CNTN4: variants seen among roughly 807,000 people sequenced by gnomAD.
The protein encoded by CNTN4 is contactin 4.
CNTN4 carries 77 observed loss-of-function variants against 122.5 expected under a neutral mutation model. The ratio of observed to expected loss-of-function variants is 0.63; its 90% CI spans 0.52 to 0.76. The LOEUF (loss-of-function observed/expected upper bound fraction) is 0.76. Among genes scored for constraint, CNTN4 ranks in the 30% least tolerant of loss-of-function variants. CNTN4 has a pLI of 0.00. For missense variants in CNTN4, 1,256 were observed against 1,259.1 expected (o/e 1.00, Z 0.04); for synonymous variants, 512 against 447.0 (o/e 1.15, Z -1.83).
rs191985277 is a variant in CNTN4, at chr3:2,916,977, C to G, written c.1208-8652C>G. ...GCTGGGAGGTGGAGGTTGCAGCGAG[C>G]CGAGATCACGCCACTGCACTCCAGC... On this transcript the variant is annotated intron_variant, in intron 12 of 24. Transcript: ENST00000418658. Among the ~76,000 whole-genome samples, 4 of 122,350 alleles carry G rather than the reference C, an allele frequency of 3.3e-5. No individual in the cohort carries two copies. The South Asian group carries it at 1.2e-3, about 35-fold the overall frequency. 80.3% of individuals were successfully genotyped at this position (122,350 alleles called of 152,430 possible). A position where few individuals can be genotyped will look rare whatever the true frequency, so the allele number is the denominator to read the frequency against.
At chr3:2,992,080 T>G (rs1695110803) in intron 14 of CNTN4, among the ~76,000 whole-genome samples, 1 of 152,160 alleles carries the variant, frequency 6.6e-6, no homozygotes, top group Non-Finnish European at 1.5e-5. Flanking sequence ...GAAGATAGTG[T>G]CAAACACAGG....
chr3:3,055,931 C>A (rs747829564), intron 24 of CNTN4, among the ~76,000 whole-genome samples, 189 bp from the exon 25 acceptor site: 3 of 152,188 alleles, frequency 2.0e-5, no homozygotes, highest in Non-Finnish European at 4.4e-5. Flanking sequence ...AGGTACAGGG[C>A]TGTCCTATAC....
chr3:2,603,297 T>C (rs2149762981), intron 4 of CNTN4, among the ~76,000 whole-genome samples: 1 of 152,334 alleles, frequency 6.6e-6, no homozygotes, highest in African/African-American at 2.4e-5. Flanking sequence ...ATTGAAAATA[T>C]ACAACATGAA....
chr3:2,546,606 T>A (rs1356431081), intron 3 of CNTN4, among the ~76,000 whole-genome samples: 1 of 152,100 alleles, frequency 6.6e-6, no homozygotes, highest in Non-Finnish European at 1.5e-5. Context: ...ACAGTTTACC[T>A]ATGTAACATG....
At chr3:2,456,519 C>G (rs1026442664) in intron 3 of CNTN4, among the ~76,000 whole-genome samples, 3 of 152,096 alleles carry the variant, frequency 2.0e-5, no homozygotes, top group African/African-American at 7.2e-5. Context: ...CTCAGCATTC[C>G]TCTTCCTCAC....
intron 6 of CNTN4, among the ~76,000 whole-genome samples, chr3:2,768,222 T>C (rs778824751): frequency 3.9e-5 from 6 of 152,176 alleles, no homozygotes; most frequent in Non-Finnish European, 8.8e-5. Context: ...TCCGGTAATA[T>C]AAATTGTAAT....
intron 2 of CNTN4, among the ~76,000 whole-genome samples, chr3:2,277,861 A>G (rs1559405946): frequency 1.3e-5 from 2 of 152,138 alleles, no homozygotes; most frequent in African/African-American, 4.8e-5. Flanking sequence ...TTATCTGTCA[A>G]TTTCTTCTTC....
rs1311935603 is a variant in CNTN4 at position 2,733,958 on chromosome 3, TG to T, written c.56-2255del. Among the ~76,000 whole-genome samples the T allele has an allele frequency of 2.6e-5, 4 of 152,316 alleles. No homozygotes were observed. In the East Asian group the frequency reaches 7.7e-4, roughly 29 times the overall value. ...ATGGAGTAAGGAGAGACAGTGGTAG[TG>T]GTGATATGATTCATGACATCTTTGA... On this transcript the variant is annotated intron_variant, in intron 4 of 24. Coordinates refer to ENST00000418658, the MANE Select transcript of CNTN4 (RefSeq NM_175607.3).
intron 3 of CNTN4, among the ~76,000 whole-genome samples, chr3:2,569,171 A>G (rs1206326601): frequency 2.1e-5 from 3 of 142,980 alleles, no homozygotes; most frequent in Non-Finnish European, 4.8e-5. Context: ...TCTTCACAAT[A>G]TATTAAGTCC....
At chr3:2,806,486 G>T (rs1576865829) in intron 6 of CNTN4, among the ~76,000 whole-genome samples, 1 of 152,154 alleles carries the variant, frequency 6.6e-6, no homozygotes, top group African/African-American at 2.4e-5. Flanking sequence ...GGATTTCAGA[G>T]GCAGAAAACA....
At chr3:3,037,423 GCT>G in intron 18 of CNTN4, 95 bp downstream of exon 18, 3 of 1,525,544 alleles carry the variant, frequency 2.0e-6, no homozygotes, top group South Asian at 1.1e-5. Flanking sequence ...CGCTCATGCG[GCT>G]CTGTGTTAGC....
chr3:2,116,465 C>A (rs1051077144), intron 2 of CNTN4, among the ~76,000 whole-genome samples: 1 of 152,092 alleles, frequency 6.6e-6, no homozygotes, highest in African/African-American at 2.4e-5. Context: ...CACAGCCCCA[C>A]GCTAGGTAAT....
intron 3 of CNTN4, among the ~76,000 whole-genome samples, chr3:2,404,594 T>C (rs1326286860): frequency 1.3e-5 from 2 of 152,144 alleles, no homozygotes; most frequent in African/African-American, 4.8e-5. Context: ...CTTCTGCTTT[T>C]AAGGACTCAT....
chr3:2,480,364 T>A (rs2075957129), intron 3 of CNTN4, among the ~76,000 whole-genome samples: 1 of 152,134 alleles, frequency 6.6e-6, no homozygotes, highest in Admixed American at 6.5e-5. Context: ...TGTAGAAAAT[T>A]CCAGAAAATC....
chr3:2,189,708 A>AC (rs78407783), intron 2 of CNTN4, among the ~76,000 whole-genome samples: 71,343 of 151,806 alleles, frequency 0.47, 17,662 homozygotes, highest in Non-Finnish European at 0.56. Context: ...GAAAAATACG[A>AC]TTTCCATAGA....
At chr3:2,819,870 C>T (rs1451038164) in intron 7 of CNTN4, among the ~76,000 whole-genome samples, 1 of 152,180 alleles carries the variant, frequency 6.6e-6, no homozygotes, top group East Asian at 1.9e-4. Context: ...ATTAAAACGA[C>T]TCATACTTCT....
chr3:2,555,189 C>T (rs2078670163), intron 3 of CNTN4, among the ~76,000 whole-genome samples: 5 of 152,174 alleles, frequency 3.3e-5, no homozygotes, highest in Admixed American at 3.3e-4. Context: ...TCCGAGTCAA[C>T]TTCGTGAGTC....
intron 2 of CNTN4, among the ~76,000 whole-genome samples, chr3:2,191,904 A>G (rs898020560): frequency 1.6e-4 from 24 of 148,230 alleles, no homozygotes; most frequent in African/African-American, 4.3e-4. Context: ...AACAGGCCCC[A>G]GTGTCTGATG....
chr3:2,143,528 G>T (rs530310629), intron 2 of CNTN4, among the ~76,000 whole-genome samples: 1 of 152,302 alleles, frequency 6.6e-6, no homozygotes, highest in South Asian at 2.1e-4. Context: ...CTTAGGCTCA[G>T]AGAATCACCA....
Sources: gnomAD v4.1 joint callset for allele counts (sites outside exome capture counted in the v4.1 genomes callset) on GRCh38, gnomAD v4.1.1 for gene constraint, MANE v1.5 for transcripts, NCBI Gene and HGNC (gene_info 2026-07-23, HGNC 2026-07-21) for gene names.